Variants in FHIT observed in about 807,000 individuals in gnomAD.
The protein encoded by FHIT is bis(5'-adenosyl)-triphosphatase.
A neutral mutation model predicts 17.9 loss-of-function variants in FHIT; 19 were observed. The observed-to-expected ratio is 1.06, with a 90% CI of 0.74 to 1.56. The LOEUF is 1.56. Among genes scored for constraint, FHIT ranks in the 40% most tolerant of loss-of-function variants. The pLI is 0.00. For missense variants in FHIT, 248 were observed against 189.2 expected (o/e 1.31, Z -1.82); for synonymous variants, 81 against 69.7 (o/e 1.16, Z -0.81).
intron 5 of FHIT, among the ~76,000 whole-genome samples, chr3:60,282,228 A>G (rs1351815448): frequency 6.6e-6 from 1 of 152,212 alleles, no homozygotes; most frequent in Admixed American, 6.5e-5. Flanking sequence ...TAGAAACTTT[A>G]TTCATAATAA....
At chr3:61,037,113 G>A (rs1160647197) in intron 3 of FHIT, among the ~76,000 whole-genome samples, 5 of 152,032 alleles carry the variant, frequency 3.3e-5, no homozygotes, top group African/African-American at 1.2e-4. Context: ...GGGTTTCACC[G>A]TGTTAGCCAG....
At chr3:60,951,779 C>T (rs1006470814) in intron 3 of FHIT, among the ~76,000 whole-genome samples, 1 of 152,208 alleles carries the variant, frequency 6.6e-6, no homozygotes, top group African/African-American at 2.4e-5. Flanking sequence ...ACATCAGAGA[C>T]AGACCTTGTT....
At chr3:60,531,608 C>A (rs2035790269) in intron 5 of FHIT, among the ~76,000 whole-genome samples, 1 of 152,160 alleles carries the variant, frequency 6.6e-6, no homozygotes, top group Admixed American at 6.5e-5. Flanking sequence ...AATGAAAGAT[C>A]ACTAATAACT....
intron 5 of FHIT, among the ~76,000 whole-genome samples, chr3:60,212,283 C>T (rs1359189952): frequency 6.6e-6 from 1 of 152,108 alleles, no homozygotes; most frequent in East Asian, 1.9e-4. Context: ...GAAAATAAGC[C>T]TCTGAGGCAC....
intron 5 of FHIT, among the ~76,000 whole-genome samples, chr3:60,486,916 A>G (rs1350867762): frequency 6.6e-6 from 1 of 152,142 alleles, no homozygotes; most frequent in African/African-American, 2.4e-5. Flanking sequence ...GCAACTACAG[A>G]CTGTCAATTT....
At chr3:61,174,127 T>A (rs895806228) in intron 2 of FHIT, among the ~76,000 whole-genome samples, 2 of 152,170 alleles carry the variant, frequency 1.3e-5, no homozygotes, top group Admixed American at 1.3e-4. Context: ...GTTAGAAAGG[T>A]ACCAACATAC....
intron 5 of FHIT, among the ~76,000 whole-genome samples, chr3:60,114,101 GAAAC>G (rs1247806481): frequency 1.5e-4 from 15 of 100,912 alleles, no homozygotes; most frequent in Admixed American, 4.4e-4. Flanking sequence ...CCACAATTAA[GAAAC>G]AAAAATAAAA....
intron 8 of FHIT, among the ~76,000 whole-genome samples, chr3:59,818,993 T>G (rs536110682): frequency 6.6e-6 from 1 of 152,244 alleles, no homozygotes; most frequent in Non-Finnish European, 1.5e-5. Context: ...AGAAGAGAGA[T>G]AAAAAGAAAC....
At chr3:60,052,454 C>G (rs1032742743) in intron 5 of FHIT, among the ~76,000 whole-genome samples, 7 of 152,140 alleles carry the variant, frequency 4.6e-5, no homozygotes, top group Non-Finnish European at 8.8e-5. Context: ...GTTGACTGCT[C>G]TTTGGTCAAA....
chr3:60,973,609 G>A (rs1177744174), intron 3 of FHIT, among the ~76,000 whole-genome samples: 4 of 152,034 alleles, frequency 2.6e-5, no homozygotes, highest in South Asian at 2.1e-4. Context: ...CTTAAGTTAC[G>A]CTCCTTGTTG....
At chr3:60,717,514 A>C (rs2107954943) in intron 4 of FHIT, among the ~76,000 whole-genome samples, 1 of 152,298 alleles carries the variant, frequency 6.6e-6, no homozygotes, top group African/African-American at 2.4e-5. Context: ...CTACTCAAAC[A>C]GAGTATCTGA....
chr3:61,039,979 T>A (rs1375700598), intron 3 of FHIT, among the ~76,000 whole-genome samples: 1 of 152,206 alleles, frequency 6.6e-6, no homozygotes, highest in Non-Finnish European at 1.5e-5. Flanking sequence ...TCAAGTGACA[T>A]CACTTACAGT....
At chr3:59,753,952 C>G (rs369582530) in intron 8 of FHIT, among the ~76,000 whole-genome samples, 1 of 152,102 alleles carries the variant, frequency 6.6e-6, no homozygotes, top group Non-Finnish European at 1.5e-5. Flanking sequence ...GTCAACTTAA[C>G]GATTAAAATA....
chr3:60,768,301 T>TA (rs1369036950), intron 4 of FHIT, among the ~76,000 whole-genome samples: 2 of 152,176 alleles, frequency 1.3e-5, no homozygotes, highest in Non-Finnish European at 2.9e-5. Context: ...AGGGAACAAA[T>TA]ACACAGTAAG....
chr3:59,957,955 T>A (rs988694745), intron 7 of FHIT, among the ~76,000 whole-genome samples: 1 of 152,232 alleles, frequency 6.6e-6, no homozygotes, highest in Non-Finnish European at 1.5e-5. Context: ...CTCATCGTTT[T>A]AATCAACATG....
chr3:60,708,237 A>G (rs1326560685), intron 4 of FHIT, among the ~76,000 whole-genome samples: 1 of 152,194 alleles, frequency 6.6e-6, no homozygotes, highest in Non-Finnish European at 1.5e-5. Flanking sequence ...GTGGTGGTAA[A>G]ACAGACTCTG....
At chr3:60,525,786 G>C (rs2035550177) in intron 5 of FHIT, among the ~76,000 whole-genome samples, 1 of 152,148 alleles carries the variant, frequency 6.6e-6, no homozygotes, top group Non-Finnish European at 1.5e-5. Context: ...AAGGCAGAGT[G>C]GTCTTAGGTA....
Position 59,901,909 on chromosome 3 carries a change from A to T in FHIT, c.348+20437T>A, listed in dbSNP as rs141301716. 2.4e-3 allele frequency among the ~76,000 whole-genome samples: 362 copies of T among 152,352 alleles called. 6 individuals are homozygous for T. Among genetic ancestry groups the T allele is most frequent in the South Asian group, 0.016 (75 of 4,830 alleles). On this transcript the variant is annotated intron_variant, in intron 8 of 9. Transcript: ENST00000492590. ...CTCAACTGTCTATCAAATGATGAAC[A>T]GATAAGTAAAATATGGCCTAGCCAT... is the stretch of plus-strand genomic sequence containing the variant.
intron 5 of FHIT, among the ~76,000 whole-genome samples, chr3:60,367,491 G>GA (rs1421174926): frequency 1.3e-5 from 2 of 152,118 alleles, no homozygotes; most frequent in African/African-American, 2.4e-5. Context: ...ACTCAAAAAC[G>GA]AGGAAGTGGG....
Sources: gnomAD v4.1 joint callset for allele counts (sites outside exome capture counted in the v4.1 genomes callset) on GRCh38, gnomAD v4.1.1 for gene constraint, MANE v1.5 for transcripts, NCBI Gene and HGNC (gene_info 2026-07-23, HGNC 2026-07-21) for gene names.